SPTB: variants seen among roughly 807,000 people sequenced by gnomAD.
SPTB encodes the protein spectrin beta, erythrocytic, also known as spectrin beta chain, erythrocytic.
Under a neutral mutation model 256.2 loss-of-function variants are expected in SPTB, and 45 were observed. That is an observed-to-expected ratio of 0.18 (90% confidence interval 0.14 to 0.23). The LOEUF (loss-of-function observed/expected upper bound fraction) is 0.23. SPTB is among the 10% of genes least tolerant of loss of function. The probability of loss-of-function intolerance (pLI) is 1.00; values close to 1 mark genes in which losing one functional copy is unlikely to be tolerated. For missense variants in SPTB, 2,715 were observed against 3,040.4 expected, an observed-to-expected ratio of 0.89 and a Z score of 2.52; for synonymous variants, 1,231 against 1,243.1, an observed-to-expected ratio of 0.99 and a Z score of 0.21.
In SPTB at chr14:64,801,160, C is replaced by A. The variant is rs1386406059; in HGVS notation, c.763+125G>T. 8 of 801,602 alleles carry A rather than the reference C, an allele frequency of 1.0e-5. No individual in the cohort carries two copies. In the African/African-American group the frequency reaches 1.4e-4, roughly 14 times the overall value. 49.7% of individuals were successfully genotyped at this position (801,602 alleles called of 1,614,324 possible). The stretch of plus-strand genomic sequence containing the variant: ...AGCCTGGCCTGGCCACTGCCCCTCA[C>A]TGTGCCCACAGCTTGCCCAGCACCT... On this transcript the variant is annotated intron_variant, in intron 7 of 35. Transcript: ENST00000644917.
intron 33 of SPTB, 120 bp from the exon 34 acceptor site, chr14:64,750,274 T>A: frequency 9.9e-7 from 1 of 1,014,686 alleles, no homozygotes; most frequent in Non-Finnish European, 1.4e-6. Context: ...TAGTAACATG[T>A]TTTATTGTTA....
chr14:64,872,588 A>G (rs1041290903), intron 1 of SPTB, among the ~76,000 whole-genome samples: 44 of 152,252 alleles, frequency 2.9e-4, no homozygotes, highest in African/African-American at 9.9e-4. Flanking sequence ...TCTCCCCATG[A>G]CACCCTGCAC....
At chr14:64,818,322 G>A (rs1040746967) in intron 2 of SPTB, among the ~76,000 whole-genome samples, 2 of 152,220 alleles carry the variant, frequency 1.3e-5, no homozygotes, top group African/African-American at 4.8e-5. Context: ...GCCTCTGTGA[G>A]CCGAGGAGCT....
chr14:64,795,776 T>C lies in SPTB; in HGVS notation c.1342-137A>G. 2 of 911,060 alleles carry C rather than the reference T, an allele frequency of 2.2e-6. No homozygotes were observed. The highest frequency in any genetic ancestry group is 3.4e-6 in the Non-Finnish European group (2 of 581,580). 56.4% of individuals were successfully genotyped at this position (911,060 alleles called of 1,614,324 possible). A position where few individuals can be genotyped will look rare whatever the true frequency, so the allele number is the denominator to read the frequency against. On this transcript the variant is annotated intron_variant, in intron 11 of 35. Transcript: ENST00000644917. The surrounding 1 kb of genome is among the most constrained non-coding windows in gnomAD (Gnocchi z 6.5). ...TCCCAAGAAGCAGCTAGTTCTGCCT[T>C]ACTTTTGCAGCCTGTCTTATCAGAC...
At chr14:64,752,128 C>T (rs1034070468) in intron 33 of SPTB, 10 of 1,239,602 alleles carry the variant, frequency 8.1e-6, no homozygotes, top group African/African-American at 3.1e-5. Flanking sequence ...CAAAAAAAGA[C>T]AAATAGGGCT....
At chr14:64,763,641 G>C (rs548534352) in intron 32 of SPTB, 1 of 487,800 alleles carries the variant, frequency 2.1e-6, no homozygotes, top group Non-Finnish European at 4.2e-6. Flanking sequence ...CTCAAATCAC[G>C]CAGGAAGTTA....
intron 9 of SPTB, among the ~76,000 whole-genome samples, chr14:64,798,848 C>G (rs946813078): frequency 2.0e-5 from 3 of 152,216 alleles, no homozygotes; most frequent in Admixed American, 2.0e-4. Context: ...GGGGGAAGAG[C>G]AGAGCAGAAG....
chr14:64,818,346 C>A (rs1360656876), intron 2 of SPTB, among the ~76,000 whole-genome samples: 1 of 152,118 alleles, frequency 6.6e-6, no homozygotes, highest in African/African-American at 2.4e-5. Flanking sequence ...AAACACGCAG[C>A]GGGCGGCACA....
In SPTB at chr14:64,800,737, G is replaced by T; in HGVS notation, c.876+19C>A. On this transcript the variant is annotated intron_variant, in intron 8 of 35. Transcript: ENST00000644917. ...CAAACAGGGGAAGAGTGACACTTTG[G>T]TTCCAAAACAGCTTGTACCTTGCCG... The T allele has an allele frequency of 6.2e-7, 1 of 1,606,438 alleles. No homozygotes were observed. Among genetic ancestry groups the T allele is most frequent in the Non-Finnish European group, 8.5e-7 (1 of 1,173,076 alleles).
At chr14:64,874,382 T>C (rs574138358) in intron 1 of SPTB, among the ~76,000 whole-genome samples, 2 of 152,342 alleles carry the variant, frequency 1.3e-5, no homozygotes, top group African/African-American at 4.8e-5. Context: ...TGATTCTCCA[T>C]CTGATCTCTT....
At position 64,787,171 on chromosome 14, in the gene SPTB, G is replaced by T; in HGVS notation, c.2805-11C>A. On this transcript the variant is annotated splice_polypyrimidine_tract_variant and intron_variant, in intron 15 of 35. Coordinates refer to ENST00000644917, the MANE Select transcript of SPTB (RefSeq NM_001355436.2). ...TGAAATGCCTGCCACCTGCCGGATG[G>T]GGACACAGCCCGGAGGAGAGAGACA... is the stretch of plus-strand genomic sequence containing the variant. 1 of 1,602,626 alleles carries T rather than the reference G, an allele frequency of 6.2e-7. No homozygotes were observed.
Position 64,773,248 on chromosome 14 carries a change from T to G in SPTB, c.5150A>C (p.Glu1717Ala). 6.2e-7 allele frequency: 1 copy of G among 1,614,256 alleles called. No homozygotes were observed. The highest frequency in any genetic ancestry group is 8.5e-7 in the Non-Finnish European group (1 of 1,180,050). Residue 1717 changes from glutamate (E) to alanine (A), a missense_variant, in exon 25 of 36, where the codon GAA becomes GCA. Around this residue, in one of 4 missense-constraint regions of SPTB, gnomAD observed 2,239 missense variants for 2,384.4 expected, o/e 0.94. Transcript: ENST00000644917. ...SEKELVASSP[E>A]MGQDFDHVTL... ...CACGTGGTCAAAGTCTTGCCCCATT[T>G]CCGGGGAAGAGGCCACTAGCTCCTT...
chr14:64,870,226 G>T (rs977175812), intron 1 of SPTB, among the ~76,000 whole-genome samples: 5 of 151,948 alleles, frequency 3.3e-5, no homozygotes, highest in Admixed American at 6.6e-5. Context: ...AAGGCAACAT[G>T]TAAGTTTTAC....
chr14:64,828,873 T>G (rs1266702365), intron 1 of SPTB, among the ~76,000 whole-genome samples: 1 of 152,210 alleles, frequency 6.6e-6, no homozygotes, highest in Non-Finnish European at 1.5e-5. Context: ...TGTAGTGAGG[T>G]CTCAACATTG....
chr14:64,851,442 C>T (rs76606397), intron 1 of SPTB, among the ~76,000 whole-genome samples: 1 of 151,730 alleles, frequency 6.6e-6, no homozygotes, highest in Non-Finnish European at 1.5e-5. Context: ...GAGTTAATAT[C>T]AGTAGCAGTA....
intron 13 of SPTB, among the ~76,000 whole-genome samples, chr14:64,794,091 G>A (rs926511017): frequency 6.6e-5 from 10 of 152,058 alleles, no homozygotes; most frequent in Admixed American, 3.9e-4. Context: ...AGTGGGGTTA[G>A]TTCTTAATAG....
rs776854894 is a variant in SPTB at position 64,775,319 on chromosome 14, T to C, written c.4648A>G (p.Ile1550Val). Reference sequence around the variant, plus strand: ...CGCTCCTCAAGGTCCTGGCAGTCGATCTCCGCCGCCTCCACCAGCTGCTGC... The same window carrying C: ...CGCTCCTCAAGGTCCTGGCAGTCGACCTCCGCCGCCTCCACCAGCTGCTGC... ...RGQQLVEAAE[I>V]DCQDLEERLG... The change falls in exon 23 of 36, where the codon ATC (isoleucine) becomes GTC (valine). Residue 1550 changes from isoleucine (I) to valine (V), a missense_variant. Around this residue, in one of 4 missense-constraint regions of SPTB, gnomAD observed 2,239 missense variants for 2,384.4 expected, o/e 0.94. Coordinates refer to ENST00000644917, the MANE Select transcript of SPTB (RefSeq NM_001355436.2). The surrounding 1 kb of genome is among the most constrained non-coding windows in gnomAD (Gnocchi z 5.0). The C allele has an allele frequency of 1.2e-6, 2 of 1,613,082 alleles. No homozygotes were observed. Among genetic ancestry groups the C allele is most frequent in the African/African-American group, 2.7e-5 (2 of 74,998 alleles).
rs961419685 is a variant in SPTB at position 64,864,765 on chromosome 14, T to C, written c.-52+15027A>G. Among the ~76,000 whole-genome samples, 5 of 152,186 alleles carry C rather than the reference T, an allele frequency of 3.3e-5. No homozygotes were observed. The South Asian group carries it at 1.0e-3, about 32-fold the overall frequency. ...CTGTCTGAATTATTTTTACCCTGGG[T>C]AAAAATAACATGTTCGTGTTATAAT... On this transcript the variant is annotated intron_variant, in intron 1 of 35. Coordinates refer to ENST00000644917, the MANE Select transcript of SPTB (RefSeq NM_001355436.2).
rs1320310340 is a variant in SPTB at position 64,777,839 on chromosome 14, A to G, written c.4563+1318T>C. Among the ~76,000 whole-genome samples the G allele has an allele frequency of 6.6e-6, 1 of 152,206 alleles. No homozygotes were observed. Among genetic ancestry groups the G allele is most frequent in the Non-Finnish European group, 1.5e-5 (1 of 68,044 alleles). On this transcript the variant is annotated intron_variant, in intron 22 of 35. Coordinates refer to ENST00000644917, the MANE Select transcript of SPTB (RefSeq NM_001355436.2). The surrounding 1 kb of genome is among the most constrained non-coding windows in gnomAD (Gnocchi z 4.5). ...ATTAGGGCAGTCACGCTGTCCCAAG[A>G]GGCTGCCTTTCCCTTCTTGGTTAGG...
Sources: allele counts gnomAD v4.1 joint callset (sites outside exome capture counted in the v4.1 genomes callset), GRCh38; gene constraint gnomAD v4.1.1; regional missense constraint gnomAD v4.1.1; non-coding constraint Gnocchi (gnomAD v3.1); transcripts MANE v1.5; gene names NCBI Gene and HGNC (gene_info 2026-07-23, HGNC 2026-07-21).